The following EXD3 variants were observed in gnomAD, a reference collection of about 807,000 sequenced individuals.
EXD3 encodes the protein exonuclease mut-7 homolog.
EXD3 carries 92 observed loss-of-function variants against 98.0 expected under a neutral mutation model. The observed-to-expected ratio is 0.94, with a 90% confidence interval of 0.79 to 1.12. The LOEUF (loss-of-function observed/expected upper bound fraction) is 1.12, where lower values mean the gene tolerates loss of function less well. Ranked by LOEUF, EXD3 falls within the 50% of genes most tolerant of loss-of-function variation. EXD3 has a pLI of 0.00. For missense variants in EXD3, 1,222 were observed against 1,191.6 expected, an observed-to-expected ratio of 1.03 and a Z score of -0.38; for synonymous variants, 569 against 526.0, an observed-to-expected ratio of 1.08 and a Z score of -1.12.
intron 2 of EXD3, among the ~76,000 whole-genome samples, chr9:137,386,126 T>C (rs1037515099): frequency 6.6e-6 from 1 of 151,828 alleles, no homozygotes; most frequent in Non-Finnish European, 1.5e-5. Flanking sequence ...CAAGACCCCA[T>C]CTCTACCAAA....
At position 137,373,050 on chromosome 9, in the gene EXD3, A is replaced by C. The variant is rs1460315393; in HGVS notation, c.317T>G (p.Leu106Arg). Reference protein sequence around the residue: ...LAQHSLRLKQLQARAVKVLTE... With the variant: ...LAQHSLRLKQRQARAVKVLTE... Reference sequence around the variant, plus strand: ...GAGGACTTTGACCGCTCGGGCCTGCAGCTGCTTCAGCCTCAGGCTGTGCTG... The same window carrying C: ...GAGGACTTTGACCGCTCGGGCCTGCCGCTGCTTCAGCCTCAGGCTGTGCTG... The change falls in exon 5 of 22, where the codon CTG (leucine) becomes CGG (arginine). Residue 106 changes from leucine (L) to arginine (R), a missense_variant. Transcript: ENST00000340951. The C allele has an allele frequency of 6.3e-7, 1 of 1,591,124 alleles. No individual in the cohort carries two copies. The highest frequency in any genetic ancestry group is 8.5e-7 in the Non-Finnish European group (1 of 1,171,410).
At chr9:137,370,335 A>G (rs895346831) in intron 5 of EXD3, among the ~76,000 whole-genome samples, 2 of 152,122 alleles carry the variant, frequency 1.3e-5, no homozygotes, top group Non-Finnish European at 2.9e-5. Context: ...AGCAGGCACA[A>G]AAAGGTCACC....
chr9:137,374,522 G>A (rs553606006), intron 3 of EXD3: 11 of 982,178 alleles, frequency 1.1e-5, no homozygotes, highest in East Asian at 2.3e-4. Context: ...CACTTGCTCC[G>A]GCGATTTGAA....
intron 2 of EXD3, among the ~76,000 whole-genome samples, chr9:137,387,673 G>A (rs553702956): frequency 3.9e-5 from 6 of 152,274 alleles, no homozygotes; most frequent in African/African-American, 1.4e-4. Flanking sequence ...GGGATACCAC[G>A]CAGGGGCACG....
intron 1 of EXD3, among the ~76,000 whole-genome samples, chr9:137,404,726 G>A (rs986318217): frequency 6.6e-6 from 1 of 152,116 alleles, no homozygotes; most frequent in African/African-American, 2.4e-5. Context: ...TGGGCGTGGT[G>A]GCACATGCCT....
At position 137,407,140 on chromosome 9, in the gene EXD3, C is replaced by A. The variant is rs1837756591; in HGVS notation, c.-47-11736G>T. ...CCCGGGCACCCCACGCCGACCGCCG[C>A]GCGTCCGGGCCGGTCTCTGGGCCCC... is the stretch of plus-strand genomic sequence containing the variant. On this transcript the variant is annotated intron_variant, in intron 1 of 21. Transcript: ENST00000340951. The surrounding 1 kb of genome is among the most constrained non-coding windows in gnomAD (Gnocchi z 4.4). 6.6e-6 allele frequency among the ~76,000 whole-genome samples: 1 copy of A among 152,164 alleles called. No individual in the cohort carries two copies. The highest frequency in any genetic ancestry group is 2.1e-4 in the South Asian group (1 of 4,830).
chr9:137,353,444 C>T (rs994883550), intron 10 of EXD3: 22 of 985,266 alleles, frequency 2.2e-5, no homozygotes, highest in Non-Finnish European at 2.5e-5. Flanking sequence ...TCCCCTCCTC[C>T]TCATTATGTG....
In EXD3 at chr9:137,395,219, G is replaced by T; in HGVS notation, c.55+84C>A. 1 of 1,273,342 alleles carries T rather than the reference G, an allele frequency of 7.9e-7. No individual in the cohort carries two copies. Among genetic ancestry groups the T allele is most frequent in the Non-Finnish European group, 1.1e-6 (1 of 873,466 alleles). 78.9% of individuals were successfully genotyped at this position (1,273,342 alleles called of 1,614,324 possible). On this transcript the variant is annotated intron_variant, in intron 2 of 21. Coordinates refer to ENST00000340951, the MANE Select transcript of EXD3 (RefSeq NM_017820.5). The surrounding 1 kb of genome is among the most constrained non-coding windows in gnomAD (Gnocchi z 6.5). ...CCTGGCCCTCGTCACTGAGTACACA[G>T]TGGGCGCCACCACCCCCCATGCACA...
chr9:137,366,132 G>A (rs1442453293), intron 7 of EXD3: 2 of 698,310 alleles, frequency 2.9e-6, no homozygotes, highest in Admixed American at 2.0e-5. Context: ...GCTGACAGAC[G>A]TCACACACCA....
Position 137,349,501 on chromosome 9 carries a change from C to A in EXD3, c.1525G>T (p.Val509Leu). 6.2e-7 allele frequency: 1 copy of A among 1,600,610 alleles called. No individual in the cohort carries two copies. The highest frequency in any genetic ancestry group is 8.5e-7 in the Non-Finnish European group (1 of 1,176,152). Residue 509 changes from valine to leucine, a missense_variant, in exon 15 of 22, where the codon GTG becomes TTG. Physicochemically the swap from Val to Leu is conservative, Grantham distance 32 (BLOSUM62 1). Transcript: ENST00000340951. The surrounding 1 kb of genome is among the most constrained non-coding windows in gnomAD (Gnocchi z 7.4). ...MRVASVPAPA[V>L]DRARELRGLS... is the part of the protein sequence containing the mutation. ...CCCCTCAGCTCCCTGGCCCTGTCCACGGCTGGGGCTGGCACGCTCGCCACC... is the reference window on the plus strand; with the variant it reads ...CCCCTCAGCTCCCTGGCCCTGTCCAAGGCTGGGGCTGGCACGCTCGCCACC...
chr9:137,336,056 A>T (rs1401277605), intron 17 of EXD3, among the ~76,000 whole-genome samples: 4 of 152,208 alleles, frequency 2.6e-5, no homozygotes, highest in Admixed American at 1.3e-4. Flanking sequence ...CAAATACTGC[A>T]TGTTCTCACT....
chr9:137,384,329 G>C (rs1006849240), intron 2 of EXD3, among the ~76,000 whole-genome samples: 12 of 152,388 alleles, frequency 7.9e-5, no homozygotes, highest in Middle Eastern at 3.4e-3. Flanking sequence ...GACTTAACAG[G>C]AGAGTCCAAG....
intron 1 of EXD3, among the ~76,000 whole-genome samples, chr9:137,417,167 GGGA>G (rs1205309642): frequency 2.0e-5 from 3 of 152,198 alleles, no homozygotes; most frequent in African/African-American, 7.2e-5. Context: ...CAGACGCCGG[GGGA>G]GAAGTCAGGT....
At chr9:137,313,769 T>A (rs1373406696) in intron 19 of EXD3, among the ~76,000 whole-genome samples, 1 of 152,088 alleles carries the variant, frequency 6.6e-6, no homozygotes, top group Non-Finnish European at 1.5e-5. Context: ...GCGATGGGGC[T>A]GTAGGAGCAC....
intron 1 of EXD3, among the ~76,000 whole-genome samples, chr9:137,406,556 C>T (rs1381491850): frequency 6.6e-6 from 1 of 152,194 alleles, no homozygotes; most frequent in African/African-American, 2.4e-5. Flanking sequence ...GCCCCGTGGC[C>T]GTCTGGAGGG....
intron 2 of EXD3, among the ~76,000 whole-genome samples, chr9:137,389,191 G>A (rs750782783): frequency 6.6e-6 from 1 of 152,186 alleles, no homozygotes; most frequent in African/African-American, 2.4e-5. Flanking sequence ...CAGGCAGGGC[G>A]GGGGACGTGA....
chr9:137,348,716 A>T, intron 16 of EXD3, among the ~76,000 whole-genome samples: 1 of 81,840 alleles, frequency 1.2e-5, no homozygotes, highest in Non-Finnish European at 2.4e-5. Context: ...GATCACAAGG[A>T]GGGGGCTAGA....
chr9:137,353,086 G>A, intron 10 of EXD3: 2 of 1,231,940 alleles, frequency 1.6e-6, no homozygotes. Context: ...AGCCCCAGCT[G>A]GCCCCTCCTG....
chr9:137,358,309 C>G (rs1024925374), intron 7 of EXD3, among the ~76,000 whole-genome samples: 13 of 152,200 alleles, frequency 8.5e-5, no homozygotes, highest in African/African-American at 2.7e-4. Context: ...GTCTGTGCAC[C>G]TCCAGCAAGG....
Sources: allele counts gnomAD v4.1 joint callset (sites outside exome capture counted in the v4.1 genomes callset), GRCh38; gene constraint gnomAD v4.1.1; non-coding constraint Gnocchi (gnomAD v3.1); transcripts MANE v1.5; gene names NCBI Gene and HGNC (gene_info 2026-07-23, HGNC 2026-07-21).